ZC3H12D: variants seen among roughly 807,000 people sequenced by gnomAD.
ZC3H12D encodes probable ribonuclease ZC3H12D.
ZC3H12D carries 11 observed loss-of-function variants against 24.2 expected under a neutral mutation model. The ratio of observed to expected loss-of-function variants is 0.46; its 90% CI spans 0.29 to 0.75. ZC3H12D has a LOEUF of 0.75. ZC3H12D is among the 30% of genes least tolerant of loss of function. The probability of loss-of-function intolerance (pLI) is 0.11; values close to 1 mark genes in which losing one functional copy is unlikely to be tolerated. For missense variants in ZC3H12D, 740 were observed against 767.7 expected (o/e 0.96, Z 0.43); for synonymous variants, 333 against 341.8 (o/e 0.97, Z 0.28).
At chr6:149,470,120 A>T (rs1776221935) in intron 2 of ZC3H12D, among the ~76,000 whole-genome samples, 1 of 152,116 alleles carries the variant, frequency 6.6e-6, no homozygotes, top group Admixed American at 6.6e-5. Flanking sequence ...AGCACTTTGG[A>T]GGCTGAGGTG....
chr6:149,484,226 G>T (rs1051935875), intron 1 of ZC3H12D, among the ~76,000 whole-genome samples: 53 of 152,202 alleles, frequency 3.5e-4, no homozygotes, highest in African/African-American at 1.3e-3. Context: ...TCTTATGGCT[G>T]CAGGGAATTT....
At chr6:149,453,637 A>AT (rs1775936182) in intron 4 of ZC3H12D, among the ~76,000 whole-genome samples, 9 of 152,198 alleles carry the variant, frequency 5.9e-5, no homozygotes, top group Admixed American at 5.9e-4. Flanking sequence ...CCAAAAAAAA[A>AT]GAACTTCCCA....
In ZC3H12D at chr6:149,450,736, T is replaced by C. The variant is rs1443546796; in HGVS notation, c.1531A>G (p.Ile511Val). ...FPELSDLARLILLVQRCQSAG... is the reference protein window; with the variant it reads ...FPELSDLARLVLLVQRCQSAG... ...CTCTGGCATCTCTGTACCAGGAGGA[T>C]GAGCCTGGCGAGGTCTGAGAGCTCC... The change falls in exon 6 of 6, where the codon ATC becomes GTC. Residue 511 changes from isoleucine to valine, a missense_variant. Physicochemically the swap from Ile to Val is conservative, Grantham distance 29. Coordinates refer to ENST00000409806, the MANE Select transcript of ZC3H12D (RefSeq NM_207360.3). 1 of 1,548,474 alleles carries C rather than the reference T, an allele frequency of 6.5e-7. No individual in the cohort carries two copies.
intron 1 of ZC3H12D, among the ~76,000 whole-genome samples, chr6:149,481,886 A>G (rs1776431231): frequency 6.6e-6 from 1 of 152,250 alleles, no homozygotes; most frequent in South Asian, 2.1e-4. Flanking sequence ...TAGCTGGGTC[A>G]GGTGACTTCT....
At chr6:149,469,424 C>G (rs1776211195) in intron 2 of ZC3H12D, among the ~76,000 whole-genome samples, 1 of 151,870 alleles carries the variant, frequency 6.6e-6, no homozygotes, top group Non-Finnish European at 1.5e-5. Context: ...CGCCACTGCA[C>G]TCCAGCCTGG....
chr6:149,466,372 A>C (rs1015169886), intron 2 of ZC3H12D, among the ~76,000 whole-genome samples: 1 of 151,846 alleles, frequency 6.6e-6, no homozygotes, highest in Non-Finnish European at 1.5e-5. Flanking sequence ...GGCAAACGTT[A>C]AGATGTACCC....
At chr6:149,459,506 C>T (rs547310101) in intron 3 of ZC3H12D, 19 of 699,808 alleles carry the variant, frequency 2.7e-5, no homozygotes, top group South Asian at 6.2e-5. Flanking sequence ...CCAGAATATG[C>T]GCAGAAGGCT....
At chr6:149,462,261 C>T (rs1445221466) in intron 2 of ZC3H12D, among the ~76,000 whole-genome samples, 1 of 152,168 alleles carries the variant, frequency 6.6e-6, no homozygotes, top group African/African-American at 2.4e-5. Flanking sequence ...GCAATCCCAG[C>T]TACTCTGGAG....
At position 149,459,909 on chromosome 6, in the gene ZC3H12D, G is replaced by A. The variant is rs144937323; in HGVS notation, c.445+1922C>T. On this transcript the variant is annotated intron_variant, in intron 3 of 5. Transcript: ENST00000409806. ...TTCATACTAGGAGAGAAAACCCATG[G>A]CAACTGCGCAGATATAGTCATGCAC... Among the ~76,000 whole-genome samples, 205 of 88,658 alleles carry A rather than the reference G, an allele frequency of 2.3e-3. 1 individual carries two copies. The highest frequency in any genetic ancestry group is 0.02 in the African/African-American group (199 of 9,998). The allele number at this position is 88,658 out of a possible 152,430, so 58.2% of individuals were successfully genotyped here.
At chr6:149,470,616 G>A (rs920587268) in intron 2 of ZC3H12D, among the ~76,000 whole-genome samples, 7 of 152,102 alleles carry the variant, frequency 4.6e-5, no homozygotes, top group African/African-American at 1.7e-4. Flanking sequence ...ACCCATTAGA[G>A]ATGAAAAGGC....
At chr6:149,471,954 C>T (rs182593988) in intron 2 of ZC3H12D, among the ~76,000 whole-genome samples, 1 of 152,354 alleles carries the variant, frequency 6.6e-6, no homozygotes, top group East Asian at 1.9e-4. Context: ...GTCTGCAATA[C>T]TACAAAACCT....
Position 149,451,499 on chromosome 6 carries a change from A to G in ZC3H12D, c.788-20T>C. On this transcript the variant is annotated intron_variant, in intron 5 of 5. Transcript: ENST00000409806. ...TCTTGCCTGAAAGGGGCGGGGGCAG[A>G]GAGGGCGCGACGTGAGGCCCGGGGG... The G allele has an allele frequency of 6.4e-7, 1 of 1,551,322 alleles. No homozygotes were observed. Among genetic ancestry groups the G allele is most frequent in the Non-Finnish European group, 8.6e-7 (1 of 1,159,100 alleles).
In ZC3H12D at chr6:149,452,721, A is replaced by G; in HGVS notation, c.682T>C (p.Phe228Leu). 1 of 1,598,708 alleles carries G rather than the reference A, an allele frequency of 6.3e-7. No homozygotes were observed. The stretch of plus-strand genomic sequence containing the variant: ...CCCAGGGGGTCATCAGGCGGCATGA[A>G]CCTGGAAAATAAGCACAGGGGCAAC... ...LLMFSFVNDR[F>L]MPPDDPLGRH... Residue 228 changes from phenylalanine to leucine, a missense_variant and splice_region_variant, in exon 5 of 6, where the codon TTC (phenylalanine) becomes CTC (leucine). Coordinates refer to ENST00000409806, the MANE Select transcript of ZC3H12D (RefSeq NM_207360.3). This position sits in a 1 kb window ranked among gnomAD's most constrained non-coding sequence, Gnocchi z 4.0.
At chr6:149,469,363 C>T (rs1471316263) in intron 2 of ZC3H12D, among the ~76,000 whole-genome samples, 2 of 151,954 alleles carry the variant, frequency 1.3e-5, no homozygotes, top group Admixed American at 1.3e-4. Context: ...GAGGCTGAGG[C>T]AGGGGAATGG....
In ZC3H12D at chr6:149,456,925, G is replaced by T; in HGVS notation, c.446-25C>A. The T allele has an allele frequency of 1.3e-6, 2 of 1,585,038 alleles. No individual in the cohort carries two copies. Among genetic ancestry groups the T allele is most frequent in the South Asian group, 1.1e-5 (1 of 90,552 alleles). On this transcript the variant is annotated intron_variant, in intron 3 of 5. Coordinates refer to ENST00000409806, the MANE Select transcript of ZC3H12D (RefSeq NM_207360.3). This position sits in a 1 kb window ranked among gnomAD's most constrained non-coding sequence, Gnocchi z 4.3. ...TCTGAGGGCGGGGCGACGGAGACGC[G>T]GGTGAGGGCCCAAGGGCACCGCCCC...
At chr6:149,459,561 T>A in intron 3 of ZC3H12D, 1 of 717,120 alleles carries the variant, frequency 1.4e-6, no homozygotes, top group Non-Finnish European at 2.6e-6. Flanking sequence ...GGAGCACTTC[T>A]GGTGGTGGAG....
At chr6:149,469,068 C>T (rs776080605) in intron 2 of ZC3H12D, among the ~76,000 whole-genome samples, 1 of 152,168 alleles carries the variant, frequency 6.6e-6, no homozygotes, top group Non-Finnish European at 1.5e-5. Flanking sequence ...GTGCTTTCCC[C>T]CCAAGGTTGT....
Position 149,452,759 on chromosome 6 carries a change from T to C in ZC3H12D, c.681-37A>G. 2 of 1,538,382 alleles carry C rather than the reference T, an allele frequency of 1.3e-6. No individual in the cohort carries two copies. The highest frequency in any genetic ancestry group is 1.8e-6 in the Non-Finnish European group (2 of 1,139,164). ...GCACAGGGGCAACTGCAAGACCACC[T>C]GGGATTTGCCACCAGCACCTGTACA... On this transcript the variant is annotated intron_variant, in intron 4 of 5. Coordinates refer to ENST00000409806, the MANE Select transcript of ZC3H12D (RefSeq NM_207360.3). This position sits in a 1 kb window ranked among gnomAD's most constrained non-coding sequence, Gnocchi z 4.0.
chr6:149,470,484 G>A (rs1193161740), intron 2 of ZC3H12D, among the ~76,000 whole-genome samples: 3 of 151,834 alleles, frequency 2.0e-5, no homozygotes, highest in African/African-American at 4.8e-5. Context: ...GCAGAGAGCC[G>A]AGATTGGACC....
Sources: gnomAD v4.1 joint callset for allele counts (sites outside exome capture counted in the v4.1 genomes callset) on GRCh38, gnomAD v4.1.1 for gene constraint, Gnocchi (gnomAD v3.1) non-coding constraint, MANE v1.5 for transcripts, NCBI Gene and HGNC (gene_info 2026-07-23, HGNC 2026-07-21) for gene names.